Variants in PTPRC observed in about 807,000 individuals in gnomAD.
The protein encoded by PTPRC is receptor-type tyrosine-protein phosphatase C.
Under a neutral mutation model 155.9 loss-of-function variants are expected in PTPRC, and 44 were observed. The ratio of observed to expected loss-of-function variants is 0.28; its 90% CI spans 0.22 to 0.36. The LOEUF is 0.36. PTPRC is among the 10% of genes least tolerant of loss of function. PTPRC has a pLI of 1.00. For synonymous variants in PTPRC, 525 were observed against 533.1 expected, an observed-to-expected ratio of 0.98 and a Z score of 0.21; for missense variants, 1,401 against 1,564.6, an observed-to-expected ratio of 0.90 and a Z score of 1.76.
At chr1:198,660,787 C>T (rs1663919143) in intron 2 of PTPRC, 2 of 152,102 alleles carry the variant, frequency 1.3e-5, no homozygotes, top group Non-Finnish European at 2.9e-5. Flanking sequence ...AGATAATCTA[C>T]CACCAACACA....
intron 31 of PTPRC, among the ~76,000 whole-genome samples, chr1:198,753,439 A>G (rs988572579): frequency 5.3e-5 from 8 of 152,042 alleles, no homozygotes; most frequent in Admixed American, 2.6e-4. Flanking sequence ...ATTGAAGTAA[A>G]TGAGAAACGA....
At chr1:198,725,838 G>A (rs907305458) in intron 15 of PTPRC, among the ~76,000 whole-genome samples, 3 of 152,088 alleles carry the variant, frequency 2.0e-5, no homozygotes, top group Non-Finnish European at 4.4e-5. Context: ...TGAGTAAATG[G>A]AATCTATTCC....
At chr1:198,724,778 T>C (rs1654053167) in intron 15 of PTPRC, among the ~76,000 whole-genome samples, 1 of 151,888 alleles carries the variant, frequency 6.6e-6, no homozygotes, top group South Asian at 2.1e-4. Flanking sequence ...CTTACCTGAA[T>C]TTTTTGTTTG....
intron 11 of PTPRC, 142 bp from the exon 12 acceptor site, chr1:198,712,811 G>A: frequency 1.1e-6 from 1 of 900,728 alleles, no homozygotes. Flanking sequence ...AATTAAATGA[G>A]CCCAGATGCA....
At position 198,728,369 on chromosome 1, in the gene PTPRC, G is replaced by GC; in HGVS notation, c.1751dup (p.Phe585IlefsTer19). The GC allele has an allele frequency of 6.2e-7, 1 of 1,612,614 alleles. No individual in the cohort carries two copies. Among genetic ancestry groups the GC allele is most frequent in the Non-Finnish European group, 8.5e-7 (1 of 1,179,390 alleles). On this transcript the variant is annotated frameshift_variant, in exon 16 of 33. Coordinates refer to ENST00000442510, the MANE Select transcript of PTPRC (RefSeq NM_002838.5). LOFTEE classifies it high-confidence loss of function. Reference sequence around the variant, plus strand: ...TTCTAAGGCACTGATAGCATTTCTGGCATTTCTGATTATTGTGACATCAAT... The same window carrying GC: ...TTCTAAGGCACTGATAGCATTTCTGGCCATTTCTGATTATTGTGACATCAAT...
At chr1:198,652,644 A>G (rs1404195952) in intron 2 of PTPRC, among the ~76,000 whole-genome samples, 1 of 151,626 alleles carries the variant, frequency 6.6e-6, no homozygotes, top group Admixed American at 6.6e-5. Flanking sequence ...TAAAAGAGGA[A>G]TCAGCATCAT....
rs530302936 is a variant in PTPRC, at chr1:198,750,157, G to A, written c.3073-335G>A. Among the ~76,000 whole-genome samples, 55 of 152,006 alleles carry A rather than the reference G, an allele frequency of 3.6e-4. No homozygotes were observed. The South Asian group carries it at 0.011, about 29-fold the overall frequency. Reference sequence around the variant, plus strand: ...CACTAATTAAAATTAGTATAGACACGATGAAGGTAATTTGAAATGCTTAAG... The same window carrying A: ...CACTAATTAAAATTAGTATAGACACAATGAAGGTAATTTGAAATGCTTAAG... On this transcript the variant is annotated intron_variant, in intron 28 of 32. Coordinates refer to ENST00000442510, the MANE Select transcript of PTPRC (RefSeq NM_002838.5).
chr1:198,665,080 A>C (rs4915152), intron 2 of PTPRC, among the ~76,000 whole-genome samples: 9,028 of 59,756 alleles, frequency 0.15, 1,300 homozygotes, highest in East Asian at 0.38. Context: ...TCCCGGCAGC[A>C]TTTTTTTTTT....
At chr1:198,655,291 G>A (rs1663498143) in intron 2 of PTPRC, among the ~76,000 whole-genome samples, 1 of 151,860 alleles carries the variant, frequency 6.6e-6, no homozygotes, top group Admixed American at 6.6e-5. Flanking sequence ...CTACTATAAT[G>A]TAAAGTAGCA....
At chr1:198,709,945 C>CT in intron 11 of PTPRC, 121 bp downstream of exon 11, 1 of 1,332,812 alleles carries the variant, frequency 7.5e-7, no homozygotes, top group Admixed American at 2.3e-5. Flanking sequence ...TAAGCATATG[C>CT]TTTTTATTTC....
chr1:198,754,513 C>CCCTTT lies in PTPRC; in HGVS notation c.3645+115_3645+119dup, dbSNP rs560381848. On this transcript the variant is annotated intron_variant, in intron 32 of 32. Transcript: ENST00000442510. ...CTTTCCTCTCGTTTGTTCTTTTTTC[C>CCCTTT]CCTTTCCTTTTCTCTTCTCTATTTT... The CCCTTT allele has an allele frequency of 1.9e-3, 2,491 of 1,318,258 alleles. 5 individuals are homozygous for CCCTTT. The highest frequency in any genetic ancestry group is 2.4e-3 in the Non-Finnish European group (2,260 of 946,972). 81.7% of individuals were successfully genotyped at this position (1,318,258 alleles called of 1,614,324 possible).
intron 2 of PTPRC, among the ~76,000 whole-genome samples, chr1:198,655,674 C>T (rs978129826): frequency 4.6e-5 from 7 of 151,984 alleles, no homozygotes; most frequent in Non-Finnish European, 1.0e-4. Context: ...TGAATCTTGA[C>T]CCTGTGGACA....
chr1:198,728,227 C>A, intron 15 of PTPRC, 113 bp from the exon 16 acceptor site: 1 of 781,314 alleles, frequency 1.3e-6, no homozygotes. Context: ...TTTTTTAAAA[C>A]CTCACAATAA....
At chr1:198,730,441 A>G (rs1654333639) in intron 17 of PTPRC, among the ~76,000 whole-genome samples, 2 of 152,080 alleles carry the variant, frequency 1.3e-5, no homozygotes, top group Non-Finnish European at 2.9e-5. Context: ...TTTCTTATTC[A>G]CTGCTTTATG....
At chr1:198,747,203 G>A (rs1440198717) in intron 26 of PTPRC, among the ~76,000 whole-genome samples, 1 of 151,290 alleles carries the variant, frequency 6.6e-6, no homozygotes, top group African/African-American at 2.4e-5. Flanking sequence ...ATACCTAGAG[G>A]GTAAGAAAAG....
intron 4 of PTPRC, among the ~76,000 whole-genome samples, chr1:198,697,785 A>G (rs1666275699): frequency 6.6e-6 from 1 of 152,224 alleles, no homozygotes; most frequent in South Asian, 2.1e-4. Context: ...ACAAGCATAT[A>G]TAATACCATC....
intron 15 of PTPRC, among the ~76,000 whole-genome samples, chr1:198,723,063 G>C (rs994513062): frequency 4.6e-5 from 7 of 150,622 alleles, no homozygotes; most frequent in Non-Finnish European, 8.9e-5. Context: ...TGTTTGCCAG[G>C]CAACCACTTT....
intron 12 of PTPRC, among the ~76,000 whole-genome samples, chr1:198,715,289 ATT>A: frequency 6.6e-6 from 1 of 151,362 alleles, no homozygotes; most frequent in East Asian, 1.9e-4. Flanking sequence ...CGCCCGGCTA[ATT>A]TTTTTGTATT....
intron 17 of PTPRC, among the ~76,000 whole-genome samples, chr1:198,729,862 A>G (rs1654309396): frequency 6.6e-6 from 1 of 152,142 alleles, no homozygotes; most frequent in Non-Finnish European, 1.5e-5. Flanking sequence ...TGGTCTGTTA[A>G]GATTGTGGGG....
Sources: gnomAD v4.1 joint callset for allele counts (sites outside exome capture counted in the v4.1 genomes callset) on GRCh38, gnomAD v4.1.1 for gene constraint, MANE v1.5 for transcripts, NCBI Gene and HGNC (gene_info 2026-07-23, HGNC 2026-07-21) for gene names.